The following SGSM1 variants were observed in gnomAD, a reference collection of about 807,000 sequenced individuals.
SGSM1 encodes the protein small G protein signaling modulator 1.
SGSM1 carries 73 observed loss-of-function variants against 133.8 expected under a neutral mutation model. That is an observed-to-expected ratio of 0.55 (90% CI 0.45 to 0.66). SGSM1 has a LOEUF of 0.66. Ranked by LOEUF, SGSM1 falls within the 30% of genes least tolerant of loss-of-function variation. SGSM1 has a pLI of 0.00. For synonymous variants in SGSM1, 563 were observed against 573.0 expected, an observed-to-expected ratio of 0.98 and a Z score of 0.25; for missense variants, 1,213 against 1,448.1, an observed-to-expected ratio of 0.84 and a Z score of 2.64.
intron 12 of SGSM1, among the ~76,000 whole-genome samples, chr22:24,869,403 C>T (rs1227992178): frequency 1.3e-5 from 2 of 151,860 alleles, no homozygotes; most frequent in African/African-American, 4.8e-5. Context: ...ATCTGTGGTC[C>T]CAGCTATTTG....
chr22:24,910,515 T>G (rs562352260), intron 21 of SGSM1, among the ~76,000 whole-genome samples: 1 of 152,198 alleles, frequency 6.6e-6, no homozygotes, highest in East Asian at 1.9e-4. Context: ...GGCATGGTGG[T>G]GCACACCTGC....
At chr22:24,861,427 G>A (rs1280303632) in intron 9 of SGSM1, among the ~76,000 whole-genome samples, 1 of 152,054 alleles carries the variant, frequency 6.6e-6, no homozygotes, top group Non-Finnish European at 1.5e-5. Context: ...CTCAGAGCTG[G>A]TCAGTGGGCA....
intron 15 of SGSM1, 142 bp downstream of exon 15, chr22:24,884,340 C>CAGGA: frequency 8.9e-7 from 1 of 1,117,398 alleles, no homozygotes; most frequent in Non-Finnish European, 1.2e-6. Flanking sequence ...AGTTCCCCTT[C>CAGGA]TCCTTGAGAG....
rs1278777462 is a variant in SGSM1, at chr22:24,882,937, G to A, written c.1496-1116G>A. Reference sequence around the variant, plus strand: ...TTTTGAGACAGAGTCTCGCTCTGTCGCCCAGGCTGGAGTGCAGTGGCGCGA... The same window carrying A: ...TTTTGAGACAGAGTCTCGCTCTGTCACCCAGGCTGGAGTGCAGTGGCGCGA... On this transcript the variant is annotated intron_variant, in intron 14 of 24. Coordinates refer to ENST00000400358, the MANE Select transcript of SGSM1 (RefSeq NM_001098497.3). Among the ~76,000 whole-genome samples the A allele has an allele frequency of 4.1e-5, 6 of 147,360 alleles. No individual in the cohort carries two copies. The East Asian group carries it at 6.0e-4, about 15-fold the overall frequency.
At chr22:24,806,563 G>A in intron 2 of SGSM1, 79 bp downstream of exon 2, 4 of 1,448,598 alleles carry the variant, frequency 2.8e-6, no homozygotes, top group Non-Finnish European at 2.7e-6. Context: ...TCGTGGAAGG[G>A]TGGCCTCTGG....
At chr22:24,853,708 G>A (rs1387704953) in intron 5 of SGSM1, among the ~76,000 whole-genome samples, 5 of 151,020 alleles carry the variant, frequency 3.3e-5, no homozygotes, top group African/African-American at 1.2e-4. Context: ...CCAGGTTCAC[G>A]CCATTCTCCT....
At chr22:24,897,932 G>T in intron 18 of SGSM1, 40 bp from the exon 19 acceptor site, 1 of 1,525,140 alleles carries the variant, frequency 6.6e-7, no homozygotes, top group South Asian at 1.2e-5. Context: ...TGCTGCAGTC[G>T]ACATGCCGGT....
chr22:24,886,788 GGCTGGGGAGT>G (rs1932633213), intron 16 of SGSM1, 60 bp downstream of exon 16: 23 of 1,518,470 alleles, frequency 1.5e-5, no homozygotes, highest in Non-Finnish European at 2.0e-5. Flanking sequence ...GATACTGTGG[GGCTGGGGAGT>G]GCTGGTTCCA....
chr22:24,914,431 G>T (rs921069623), intron 22 of SGSM1, among the ~76,000 whole-genome samples: 1 of 151,724 alleles, frequency 6.6e-6, no homozygotes, highest in African/African-American at 2.4e-5. Flanking sequence ...AGCCGAGATA[G>T]CCCCATTGCA....
chr22:24,883,452 C>A (rs1334767878), intron 14 of SGSM1, among the ~76,000 whole-genome samples: 1 of 152,198 alleles, frequency 6.6e-6, no homozygotes, highest in Non-Finnish European at 1.5e-5. Context: ...TTCCTTTCTA[C>A]CCCCTTCTCT....
At chr22:24,822,661 G>A (rs1928551441) in intron 2 of SGSM1, among the ~76,000 whole-genome samples, 1 of 152,216 alleles carries the variant, frequency 6.6e-6, no homozygotes, top group African/African-American at 2.4e-5. Flanking sequence ...AAGGGCAGAG[G>A]TGGAGCTGGC....
intron 2 of SGSM1, among the ~76,000 whole-genome samples, chr22:24,823,384 C>T (rs1054672753): frequency 1.6e-4 from 24 of 151,844 alleles, no homozygotes; most frequent in African/African-American, 5.1e-4. Flanking sequence ...AGGCAGATCA[C>T]GAGGTCAGGA....
intron 2 of SGSM1, among the ~76,000 whole-genome samples, chr22:24,822,088 C>CTCTTTTTTTTTTTTTTTTTTTTTTTTTTT (rs1555920070): frequency 8.3e-5 from 8 of 96,128 alleles, no homozygotes; most frequent in Admixed American, 1.4e-4. Flanking sequence ...TCATCTCTCT[C>CTCTTTTTTTTTTTTTTTTTTTTTTTTTTT]TTTTTTTTTT....
chr22:24,839,415 A>T (rs1182942857), intron 2 of SGSM1, among the ~76,000 whole-genome samples: 1 of 152,126 alleles, frequency 6.6e-6, no homozygotes, highest in East Asian at 1.9e-4. Context: ...CATTTTGTTG[A>T]GGATTCTTGC....
chr22:24,911,579 C>T (rs1188742913), intron 21 of SGSM1, among the ~76,000 whole-genome samples: 2 of 152,106 alleles, frequency 1.3e-5, no homozygotes, highest in South Asian at 2.1e-4. Context: ...CCATGGCCAA[C>T]ATCAGCAGTC....
At chr22:24,921,257 G>A (rs1035081023) in intron 24 of SGSM1, among the ~76,000 whole-genome samples, 7 of 151,516 alleles carry the variant, frequency 4.6e-5, no homozygotes, top group Middle Eastern at 3.4e-3. Flanking sequence ...GCACCACCAC[G>A]CCCGGCTAAT....
intron 12 of SGSM1, among the ~76,000 whole-genome samples, chr22:24,869,708 A>T (rs1931670735): frequency 6.6e-6 from 1 of 152,192 alleles, no homozygotes; most frequent in South Asian, 2.1e-4. Flanking sequence ...AGTAAGTTGT[A>T]GTCAAACTTT....
chr22:24,872,989 C>T (rs1189469789), intron 12 of SGSM1, among the ~76,000 whole-genome samples: 1 of 149,666 alleles, frequency 6.7e-6, no homozygotes, highest in Non-Finnish European at 1.5e-5. Context: ...GGCAGGGTCT[C>T]GCTCTGTTGC....
At chr22:24,830,115 G>A (rs1929025392) in intron 2 of SGSM1, among the ~76,000 whole-genome samples, 1 of 152,196 alleles carries the variant, frequency 6.6e-6, no homozygotes, top group Non-Finnish European at 1.5e-5. Flanking sequence ...CAGTGTTCAA[G>A]GGTAATAACC....
Sources: gnomAD v4.1 joint callset for allele counts (sites outside exome capture counted in the v4.1 genomes callset) on GRCh38, gnomAD v4.1.1 for gene constraint, MANE v1.5 for transcripts, NCBI Gene and HGNC (gene_info 2026-07-23, HGNC 2026-07-21) for gene names.